SRGAP1: variants seen among roughly 807,000 people sequenced by gnomAD.
SRGAP1 encodes SLIT-ROBO Rho GTPase-activating protein 1.
SRGAP1 carries 43 observed loss-of-function variants against 121.9 expected under a neutral mutation model. The ratio of observed to expected loss-of-function variants is 0.35; its 90% confidence interval spans 0.28 to 0.46. SRGAP1 has a LOEUF of 0.46. Ranked by LOEUF, SRGAP1 falls within the 20% of genes least tolerant of loss-of-function variation. SRGAP1 has a pLI of 1.00. For synonymous variants in SRGAP1, 447 were observed against 485.4 expected, an observed-to-expected ratio of 0.92 and a Z score of 1.04; for missense variants, 1,102 against 1,350.9, an observed-to-expected ratio of 0.82 and a Z score of 2.89.
At chr12:64,072,108 C>CTCTCTGTGTGTG (rs775247857) in intron 8 of SRGAP1, among the ~76,000 whole-genome samples, 9 of 80,364 alleles carry the variant, frequency 1.1e-4, no homozygotes, top group African/African-American at 3.7e-4. Flanking sequence ...CAATCTCTCT[C>CTCTCTGTGTGTG]TGTGTGTGTG....
intron 10 of SRGAP1, among the ~76,000 whole-genome samples, chr12:64,082,945 T>C (rs932650339): frequency 2.6e-5 from 4 of 152,212 alleles, no homozygotes; most frequent in African/African-American, 9.6e-5. Flanking sequence ...CCTGCCCCTT[T>C]TGCAGGCTGG....
At chr12:63,855,855 G>A (rs1299946929) in intron 1 of SRGAP1, among the ~76,000 whole-genome samples, 2 of 151,964 alleles carry the variant, frequency 1.3e-5, no homozygotes, top group Non-Finnish European at 2.9e-5. Flanking sequence ...ATATCTTATT[G>A]ATTTGTGAGT....
At chr12:63,964,939 G>A (rs2032746275) in intron 1 of SRGAP1, among the ~76,000 whole-genome samples, 1 of 152,172 alleles carries the variant, frequency 6.6e-6, no homozygotes, top group African/African-American at 2.4e-5. Context: ...TACAGAATCT[G>A]TAATCTTGCT....
At chr12:63,969,561 A>G (rs1348433998) in intron 1 of SRGAP1, among the ~76,000 whole-genome samples, 2 of 152,248 alleles carry the variant, frequency 1.3e-5, no homozygotes, top group South Asian at 2.1e-4. Flanking sequence ...TGGGAGGCCA[A>G]GGCAGGCGGA....
chr12:64,092,118 A>G (rs1468438563), intron 12 of SRGAP1, among the ~76,000 whole-genome samples: 2 of 152,262 alleles, frequency 1.3e-5, no homozygotes, highest in African/African-American at 4.8e-5. Context: ...AAATGGGCAC[A>G]TTAAACTATT....
At chr12:63,934,077 C>T (rs1046208171) in intron 1 of SRGAP1, among the ~76,000 whole-genome samples, 1 of 152,118 alleles carries the variant, frequency 6.6e-6, no homozygotes, top group African/African-American at 2.4e-5. Context: ...TTAGGAATAT[C>T]GTCCTTTTGC....
In SRGAP1 at chr12:63,989,556, T is replaced by C. The variant is rs550427107; in HGVS notation, c.264-354T>C. Among the ~76,000 whole-genome samples the C allele has an allele frequency of 1.8e-4, 27 of 151,554 alleles. No homozygotes were observed. In the South Asian group the frequency reaches 5.0e-3, roughly 28 times the overall value. On this transcript the variant is annotated intron_variant, in intron 2 of 21. Coordinates refer to ENST00000355086, the MANE Select transcript of SRGAP1 (RefSeq NM_020762.4). ...AGTCTGTCTGGACAGTAGTAGTCAG[T>C]AGATTTTTATGTAAACATAAATTGC...
At chr12:63,882,107 T>C (rs1900213773) in intron 1 of SRGAP1, among the ~76,000 whole-genome samples, 1 of 152,194 alleles carries the variant, frequency 6.6e-6, no homozygotes, top group African/African-American at 2.4e-5. Context: ...ATTAAAAGTA[T>C]GGCAAAAACT....
rs1019050024 is a variant in SRGAP1 at position 64,151,183 on chromosome 12, A to G, written c.*8511A>G. 4 of 152,148 alleles carry G rather than the reference A, an allele frequency of 2.6e-5. No individual in the cohort carries two copies. The highest frequency in any genetic ancestry group is 9.7e-5 in the African/African-American group (4 of 41,438). The allele number at this position is 152,148 out of a possible 1,614,324, so 9.4% of individuals were successfully genotyped here. On this transcript the variant is annotated 3_prime_UTR_variant, in exon 22 of 22. Coordinates refer to ENST00000355086, the MANE Select transcript of SRGAP1 (RefSeq NM_020762.4). ...CCATTTCCCAAACAGAAATAATAAT[A>G]TGAACATCTTAGTATATTGTCTTCT...
Position 63,913,480 on chromosome 12 carries a change from T to TATATATGG in SRGAP1, c.67+68603_67+68604insGGATATAT, listed in dbSNP as rs1555238828. Among the ~76,000 whole-genome samples, 206 of 108,602 alleles carry TATATATGG rather than the reference T, an allele frequency of 1.9e-3. 1 individual carries two copies. The highest frequency in any genetic ancestry group is 0.016 in the Middle Eastern group (3 of 190). 71.2% of individuals were successfully genotyped at this position (108,602 alleles called of 152,430 possible). On this transcript the variant is annotated intron_variant, in intron 1 of 21. Coordinates refer to ENST00000355086, the MANE Select transcript of SRGAP1 (RefSeq NM_020762.4). Reference sequence around the variant, plus strand: ...ATATATATATATATATATATATGGATATATATATATAAATACACATATATG... The same window carrying TATATATGG: ...ATATATATATATATATATATATGGATATATATGGATATATATATAAATACACATATATG...
At chr12:63,981,297 G>C (rs2033238440) in intron 1 of SRGAP1, among the ~76,000 whole-genome samples, 1 of 152,060 alleles carries the variant, frequency 6.6e-6, no homozygotes, top group South Asian at 2.1e-4. Flanking sequence ...GTGTATTTCT[G>C]ATTAGATTTG....
At chr12:64,046,508 T>C (rs1157567088) in intron 6 of SRGAP1, among the ~76,000 whole-genome samples, 1 of 152,234 alleles carries the variant, frequency 6.6e-6, no homozygotes, top group East Asian at 1.9e-4. Context: ...ACACAAGTGG[T>C]AGGATCAAAA....
At chr12:63,952,364 T>A (rs1421344430) in intron 1 of SRGAP1, among the ~76,000 whole-genome samples, 1 of 152,076 alleles carries the variant, frequency 6.6e-6, no homozygotes, top group African/African-American at 2.4e-5. Context: ...AATTTTTTTT[T>A]AATTAGCCAG....
At chr12:63,914,067 A>C (rs1326229559) in intron 1 of SRGAP1, among the ~76,000 whole-genome samples, 1 of 152,182 alleles carries the variant, frequency 6.6e-6, no homozygotes, top group Non-Finnish European at 1.5e-5. Flanking sequence ...ACAGTAATGA[A>C]TTTGTTGTTC....
At chr12:63,856,466 A>G (rs1335718536) in intron 1 of SRGAP1, among the ~76,000 whole-genome samples, 4 of 152,096 alleles carry the variant, frequency 2.6e-5, no homozygotes, top group Non-Finnish European at 5.9e-5. Context: ...TTTTTAATTC[A>G]TCTGAAGTTT....
intron 6 of SRGAP1, among the ~76,000 whole-genome samples, chr12:64,052,074 A>C (rs1338843509): frequency 6.6e-6 from 1 of 152,236 alleles, no homozygotes; most frequent in Non-Finnish European, 1.5e-5. Context: ...TACAATGAAG[A>C]AAATGGCTCA....
intron 1 of SRGAP1, among the ~76,000 whole-genome samples, chr12:63,964,996 C>T (rs2032749030): frequency 6.6e-6 from 1 of 152,154 alleles, no homozygotes; most frequent in Admixed American, 6.5e-5. Flanking sequence ...TAGAGCCAGA[C>T]AAAGATGCAT....
intron 11 of SRGAP1, 32 bp from the exon 12 acceptor site, chr12:64,091,244 C>G: frequency 6.9e-7 from 1 of 1,451,976 alleles, no homozygotes; most frequent in Non-Finnish European, 9.4e-7. Context: ...TTGATTTCTG[C>G]CATGCTCAGT....
chr12:63,865,780 C>G (rs1899609115), intron 1 of SRGAP1, among the ~76,000 whole-genome samples: 1 of 152,162 alleles, frequency 6.6e-6, no homozygotes, highest in Non-Finnish European at 1.5e-5. Context: ...GCATCTCATC[C>G]ATTTGCTGAG....
Sources: allele counts gnomAD v4.1 joint callset (sites outside exome capture counted in the v4.1 genomes callset), GRCh38; gene constraint gnomAD v4.1.1; transcripts MANE v1.5; gene names NCBI Gene and HGNC (gene_info 2026-07-23, HGNC 2026-07-21).